Variants in DOCK4 observed in about 807,000 individuals in gnomAD.
DOCK4 encodes dedicator of cytokinesis 4.
DOCK4 carries 97 observed loss-of-function variants against 268.1 expected under a neutral mutation model. That is an observed-to-expected ratio of 0.36 (90% CI 0.31 to 0.43). The LOEUF (loss-of-function observed/expected upper bound fraction) is 0.43, where lower values mean the gene tolerates loss of function less well. Ranked by LOEUF, DOCK4 falls within the 20% of genes least tolerant of loss-of-function variation. The pLI is 1.00. For missense variants in DOCK4, 2,145 were observed against 2,455.7 expected (o/e 0.87, Z 2.67); for synonymous variants, 954 against 887.2 (o/e 1.08, Z -1.34).
rs1341993689 is a variant in DOCK4, at chr7:111,901,772, T to C, written c.1222A>G (p.Ile408Val). The change falls in exon 14 of 53, where the codon ATT becomes GTT. Residue 408 changes from isoleucine to valine, a missense_variant. Ile to Val is a conservative substitution (Grantham distance 29). Coordinates refer to ENST00000428084, the MANE Select transcript of DOCK4 (RefSeq NM_001363540.2). ...CCTTTCTCAAATTCTCCCCTTTCAA[T>C]AGTGATATATAAATCATTCCTCATT... Reference protein sequence around the residue: ...GEMRNDLYITIERGEFEKGGK... With the variant: ...GEMRNDLYITVERGEFEKGGK... The C allele has an allele frequency of 7.5e-6, 12 of 1,590,760 alleles. No individual in the cohort carries two copies. The highest frequency in any genetic ancestry group is 9.5e-6 in the Non-Finnish European group (11 of 1,160,648).
intron 4 of DOCK4, among the ~76,000 whole-genome samples, chr7:111,997,312 TATTAGA>T (rs1219048546): frequency 1.3e-5 from 2 of 152,240 alleles, no homozygotes; most frequent in African/African-American, 4.8e-5. Context: ...TAGTGGTAAT[TATTAGA>T]ATTAGAATTA....
intron 21 of DOCK4, chr7:111,869,325 C>T (rs2134221262): frequency 2.3e-6 from 1 of 435,608 alleles, no homozygotes; most frequent in South Asian, 2.2e-5. Flanking sequence ...TCTTAGACTT[C>T]ACTTCAAGTA....
intron 44 of DOCK4, among the ~76,000 whole-genome samples, chr7:111,743,206 G>C (rs1796046036): frequency 6.6e-6 from 1 of 152,114 alleles, no homozygotes; most frequent in Non-Finnish European, 1.5e-5. Flanking sequence ...TTTTAAAAAT[G>C]CCCCCCATGC....
chr7:111,766,060 G>A (rs967639772), intron 38 of DOCK4, among the ~76,000 whole-genome samples: 2 of 152,206 alleles, frequency 1.3e-5, no homozygotes, highest in South Asian at 2.1e-4. Flanking sequence ...TACAGGGACA[G>A]GATGCCAAGA....
rs770488275 is a variant in DOCK4 at position 111,847,008 on chromosome 7, T to G, written c.2592A>C (p.Lys864Asn). 9 of 1,613,632 alleles carry G rather than the reference T, an allele frequency of 5.6e-6. No individual in the cohort carries two copies. The highest frequency in any genetic ancestry group is 7.6e-6 in the Non-Finnish European group (9 of 1,179,632). The change falls in exon 24 of 53, where the codon AAA becomes AAC. Residue 864 changes from lysine (K) to asparagine (N), a missense_variant. Lys to Asn is a moderately conservative substitution (Grantham distance 94). Coordinates refer to ENST00000428084, the MANE Select transcript of DOCK4 (RefSeq NM_001363540.2). The part of the protein sequence containing the change: ...ILSNVFCLIK[K>N]NSSEKSVLEE... ...ACCTGTATTTACTTACTGAGCTATT[T>G]TTCTTGATAAGACAAAATACGTTGC...
intron 1 of DOCK4, among the ~76,000 whole-genome samples, chr7:112,077,543 A>T (rs1346066842): frequency 2.0e-5 from 3 of 152,160 alleles, no homozygotes; most frequent in Non-Finnish European, 2.9e-5. Flanking sequence ...ATTTAGAAAA[A>T]GTCACTAATA....
intron 32 of DOCK4, among the ~76,000 whole-genome samples, chr7:111,786,583 G>A (rs541214940): frequency 6.6e-6 from 1 of 152,306 alleles, no homozygotes; most frequent in South Asian, 2.1e-4. Context: ...CAAATTTAAA[G>A]TCTTACTCCA....
In DOCK4 at chr7:111,739,732, G is replaced by C; in HGVS notation, c.5041-255C>G. On this transcript the variant is annotated intron_variant, in intron 47 of 52. Coordinates refer to ENST00000428084, the MANE Select transcript of DOCK4 (RefSeq NM_001363540.2). ...CACTGTGACTTCGTACCAGTTAGCAGTGCATTCCTTCATTGAGGTATAAGT... is the reference window on the plus strand; with the variant it reads ...CACTGTGACTTCGTACCAGTTAGCACTGCATTCCTTCATTGAGGTATAAGT... 6.2e-6 allele frequency: 3 copies of C among 483,912 alleles called. No individual in the cohort carries two copies. In the South Asian group the frequency reaches 6.4e-5, roughly 10 times the overall value. The allele number at this position is 483,912 out of a possible 1,614,324, so 30.0% of individuals were successfully genotyped here. A position where few individuals can be genotyped will look rare whatever the true frequency, so the allele number is the denominator to read the frequency against.
chr7:112,189,445 T>C (rs570554670), intron 1 of DOCK4, among the ~76,000 whole-genome samples: 2 of 152,168 alleles, frequency 1.3e-5, no homozygotes, highest in African/African-American at 2.4e-5. Flanking sequence ...CCAGAGGATA[T>C]GACAAGCAGA....
intron 7 of DOCK4, among the ~76,000 whole-genome samples, chr7:111,980,053 C>G (rs929738359): frequency 2.0e-5 from 3 of 152,166 alleles, no homozygotes; most frequent in Admixed American, 6.5e-5. Context: ...CATGTGCAGA[C>G]AGATGCAAAT....
At chr7:112,037,626 A>C (rs913287265) in intron 1 of DOCK4, among the ~76,000 whole-genome samples, 2 of 152,232 alleles carry the variant, frequency 1.3e-5, no homozygotes, top group African/African-American at 4.8e-5. Flanking sequence ...GTATATTAAT[A>C]GTCCTTTTAA....
chr7:111,815,372 C>T (rs1801462504), intron 27 of DOCK4, among the ~76,000 whole-genome samples: 1 of 152,156 alleles, frequency 6.6e-6, no homozygotes, highest in Non-Finnish European at 1.5e-5. Context: ...TAGCCAGAGA[C>T]ATTTATACAT....
chr7:112,167,816 A>G (rs1176751607), intron 1 of DOCK4, among the ~76,000 whole-genome samples: 1 of 152,212 alleles, frequency 6.6e-6, no homozygotes, highest in African/African-American at 2.4e-5. Context: ...AGACTTTTTA[A>G]GACTTTTAAT....
chr7:111,782,985 G>C, intron 34 of DOCK4, 61 bp from the exon 35 acceptor site: 1 of 1,024,636 alleles, frequency 9.8e-7, no homozygotes. Flanking sequence ...AACACAGTTT[G>C]TTCTTTTTGG....
At chr7:111,945,658 A>T in intron 9 of DOCK4, 59 bp downstream of exon 9, 3 of 1,389,254 alleles carry the variant, frequency 2.2e-6, no homozygotes, top group Non-Finnish European at 3.0e-6. Flanking sequence ...TATTTCTCCT[A>T]AATAGTATGA....
intron 1 of DOCK4, among the ~76,000 whole-genome samples, chr7:112,169,520 A>G (rs1447570559): frequency 6.6e-6 from 1 of 152,196 alleles, no homozygotes; most frequent in African/African-American, 2.4e-5. Context: ...AGCATTTTCT[A>G]TGAGGGTGGG....
intron 23 of DOCK4, among the ~76,000 whole-genome samples, chr7:111,851,604 GC>G (rs1330771055): frequency 6.6e-6 from 1 of 151,972 alleles, no homozygotes; most frequent in Non-Finnish European, 1.5e-5. Context: ...TACTTGACTT[GC>G]ACCACTGACC....
intron 1 of DOCK4, among the ~76,000 whole-genome samples, chr7:112,065,202 C>T (rs1457556755): frequency 2.0e-5 from 3 of 152,102 alleles, no homozygotes; most frequent in African/African-American, 7.2e-5. Context: ...CCCTCTCTAA[C>T]CACATTCCAG....
chr7:112,181,659 A>AAAAAAAAAAAAC (rs1819053599), intron 1 of DOCK4, among the ~76,000 whole-genome samples: 1 of 150,146 alleles, frequency 6.7e-6, no homozygotes, highest in African/African-American at 2.5e-5. Flanking sequence ...AAAAAAAAAA[A>AAAAAAAAAAAAC]GCTTGACACT....
Sources: allele counts gnomAD v4.1 joint callset (sites outside exome capture counted in the v4.1 genomes callset), GRCh38; gene constraint gnomAD v4.1.1; transcripts MANE v1.5; gene names NCBI Gene and HGNC (gene_info 2026-07-23, HGNC 2026-07-21).